The following ROR1 variants were observed in gnomAD, a reference collection of about 807,000 sequenced individuals.
The protein encoded by ROR1 is inactive tyrosine-protein kinase transmembrane receptor ROR1.
In ROR1, 19 loss-of-function variants were observed where a neutral mutation model predicts 78.8. The ratio of observed to expected loss-of-function variants is 0.24; its 90% CI spans 0.17 to 0.35. The LOEUF (loss-of-function observed/expected upper bound fraction) is 0.35, where lower values mean the gene tolerates loss of function less well. Ranked by LOEUF, ROR1 falls within the 10% of genes least tolerant of loss-of-function variation. The pLI is 1.00. For synonymous variants in ROR1, 386 were observed against 433.6 expected, an observed-to-expected ratio of 0.89 and a Z score of 1.36; for missense variants, 917 against 1,177.8, an observed-to-expected ratio of 0.78 and a Z score of 3.24.
At chr1:63,882,137 A>G (rs1177443821) in intron 1 of ROR1, among the ~76,000 whole-genome samples, 2 of 152,168 alleles carry the variant, frequency 1.3e-5, no homozygotes, top group Non-Finnish European at 2.9e-5. Context: ...CCCCCGGTGA[A>G]TAAACAAGAG....
chr1:63,826,267 C>T (rs1644952333), intron 1 of ROR1, among the ~76,000 whole-genome samples: 1 of 152,048 alleles, frequency 6.6e-6, no homozygotes, highest in African/African-American at 2.4e-5. Context: ...TCCTATATGC[C>T]CTAGTGTGTT....
chr1:64,053,509 G>A (rs1163435598), intron 4 of ROR1, among the ~76,000 whole-genome samples: 1 of 152,134 alleles, frequency 6.6e-6, no homozygotes, highest in African/African-American at 2.4e-5. Flanking sequence ...CTGGGTCCTG[G>A]CTACCCCTAA....
At chr1:64,129,518 G>A (rs56187162) in intron 4 of ROR1, among the ~76,000 whole-genome samples, 41,966 of 152,024 alleles carry the variant, frequency 0.28, 6,284 homozygotes, top group Non-Finnish European at 0.33. Flanking sequence ...ACTTGGGGGC[G>A]CTGAACTCGG....
At chr1:63,834,122 T>A (rs1224027208) in intron 1 of ROR1, among the ~76,000 whole-genome samples, 1 of 151,600 alleles carries the variant, frequency 6.6e-6, no homozygotes, top group African/African-American at 2.4e-5. Flanking sequence ...TGTTAAGCTC[T>A]TGTAGTAAGA....
chr1:63,883,033 G>A lies in ROR1; in HGVS notation c.91+108525G>A, dbSNP rs186378807. Among the ~76,000 whole-genome samples, 305 of 152,244 alleles carry A rather than the reference G, an allele frequency of 2.0e-3. 4 individuals are homozygous for A. Among genetic ancestry groups the A allele is most frequent in the Non-Finnish European group, 7.9e-4 (54 of 68,004 alleles). On this transcript the variant is annotated intron_variant, in intron 1 of 8. Transcript: ENST00000371079. ...AGACATTTCTGGAAAGCAAATTTCA[G>A]CTCAGGTTCTCAATGAAGCCTCCAA...
At chr1:63,894,004 T>A (rs1355838917) in intron 1 of ROR1, among the ~76,000 whole-genome samples, 1 of 152,154 alleles carries the variant, frequency 6.6e-6, no homozygotes, top group East Asian at 1.9e-4. Context: ...CCTTATCACT[T>A]TATAGTTTAT....
intron 1 of ROR1, among the ~76,000 whole-genome samples, chr1:63,857,567 C>A (rs1037111442): frequency 2.0e-5 from 3 of 152,114 alleles, no homozygotes; most frequent in Non-Finnish European, 4.4e-5. Context: ...ATGGATTTGG[C>A]ATTGGAAAAC....
chr1:64,053,967 T>TTTATTTTATTTTATTTTATTTTATTTTA (rs1646853699), intron 4 of ROR1, among the ~76,000 whole-genome samples: 1 of 152,138 alleles, frequency 6.6e-6, no homozygotes, highest in Admixed American at 6.5e-5. Context: ...TTTATTTTAT[T>TTTATTTTATTTTATTTTATTTTATTTTA]TTGAAACAAG....
At chr1:63,893,767 C>T (rs1645418486) in intron 1 of ROR1, among the ~76,000 whole-genome samples, 2 of 152,012 alleles carry the variant, frequency 1.3e-5, no homozygotes, top group South Asian at 4.2e-4. Context: ...ATACAGTGGT[C>T]CCCCCTTATC....
At chr1:64,080,830 A>G (rs968981448) in intron 4 of ROR1, among the ~76,000 whole-genome samples, 1 of 152,220 alleles carries the variant, frequency 6.6e-6, no homozygotes, top group East Asian at 1.9e-4. Flanking sequence ...GAGCTCAGCC[A>G]TGAAGGGCCC....
At chr1:63,793,366 T>C (rs910648216) in intron 1 of ROR1, among the ~76,000 whole-genome samples, 3 of 152,216 alleles carry the variant, frequency 2.0e-5, no homozygotes, top group Non-Finnish European at 4.4e-5. Flanking sequence ...TAATCTATTA[T>C]ATATTTCAAA....
At chr1:63,833,141 C>T (rs916480350) in intron 1 of ROR1, among the ~76,000 whole-genome samples, 1 of 152,220 alleles carries the variant, frequency 6.6e-6, no homozygotes, top group Non-Finnish European at 1.5e-5. Context: ...AGAACTGACT[C>T]TGTCTAACAC....
chr1:64,066,673 GA>G (rs1420022982), intron 4 of ROR1: 1 of 152,662 alleles, frequency 6.6e-6, no homozygotes, highest in African/African-American at 2.4e-5. Flanking sequence ...TGAGAGTGGA[GA>G]AGGAACAAAG....
chr1:64,050,167 A>G (rs913437810), intron 3 of ROR1, among the ~76,000 whole-genome samples, 189 bp downstream of exon 3: 14 of 152,242 alleles, frequency 9.2e-5, no homozygotes, highest in Non-Finnish European at 2.1e-4. Context: ...GTTAGTTACC[A>G]TGTTACCCAG....
chr1:63,774,247 C>T lies in ROR1; in HGVS notation c.-171C>T. On this transcript the variant is annotated 5_prime_UTR_variant, in exon 1 of 9. Transcript: ENST00000371079. The surrounding 1 kb of genome is among the most constrained non-coding windows in gnomAD (Gnocchi z 5.7). ...TCGCGCTCGCGGCATCCAGAGGCGG[C>T]CAGGCGGAGGCGAGGGAGCAGGTTA... is the stretch of plus-strand genomic sequence containing the variant. The T allele has an allele frequency of 6.7e-6, 2 of 298,848 alleles. No homozygotes were observed. The highest frequency in any genetic ancestry group is 1.2e-5 in the Non-Finnish European group (2 of 167,450). The allele number at this position is 298,848 out of a possible 1,614,324, so 18.5% of individuals were successfully genotyped here.
intron 1 of ROR1, among the ~76,000 whole-genome samples, chr1:63,970,202 C>A (rs1402237606): frequency 1.3e-5 from 2 of 152,138 alleles, no homozygotes; most frequent in African/African-American, 4.8e-5. Flanking sequence ...GACACCTCTA[C>A]TTCCTGTTGC....
chr1:64,143,999 T>C (rs1649409847), intron 7 of ROR1, among the ~76,000 whole-genome samples: 1 of 152,118 alleles, frequency 6.6e-6, no homozygotes, highest in African/African-American at 2.4e-5. Flanking sequence ...GTTGGGAAGC[T>C]ACTGCAGGAA....
At position 64,159,031 on chromosome 1, in the gene ROR1, G is replaced by C; in HGVS notation, c.1225G>C (p.Val409Leu). Residue 409 changes from valine to leucine, a missense_variant, in exon 8 of 9, where the codon GTG becomes CTG. Around this residue, in one of 3 missense-constraint regions of ROR1, gnomAD observed 835 missense variants for 1,069.8 expected, o/e 0.78. Transcript: ENST00000371079. ...KNKMEILYILVPSVAIPLAIA... is the reference protein window; with the variant it reads ...KNKMEILYILLPSVAIPLAIA... Reference sequence around the variant, plus strand: ...TAAAATGGAAATCCTGTACATACTAGTGCCAAGTGTGGCCATTCCCCTGGC... The same window carrying C: ...TAAAATGGAAATCCTGTACATACTACTGCCAAGTGTGGCCATTCCCCTGGC... 1 of 1,614,120 alleles carries C rather than the reference G, an allele frequency of 6.2e-7. No homozygotes were observed. Among genetic ancestry groups the C allele is most frequent in the Non-Finnish European group, 8.5e-7 (1 of 1,180,000 alleles).
chr1:63,827,032 G>C (rs773133067), intron 1 of ROR1, among the ~76,000 whole-genome samples: 9 of 151,440 alleles, frequency 5.9e-5, no homozygotes, highest in Non-Finnish European at 1.2e-4. Context: ...CAGGGACATG[G>C]ATGGTGCTGG....
Sources: gnomAD v4.1 joint callset for allele counts (sites outside exome capture counted in the v4.1 genomes callset) on GRCh38, gnomAD v4.1.1 for gene constraint, gnomAD v4.1.1 regional missense constraint, Gnocchi (gnomAD v3.1) non-coding constraint, MANE v1.5 for transcripts, NCBI Gene and HGNC (gene_info 2026-07-23, HGNC 2026-07-21) for gene names.